Variants in SEMA6D observed in about 807,000 individuals in gnomAD.
SEMA6D encodes the protein semaphorin-6D.
A neutral mutation model predicts 106.6 loss-of-function variants in SEMA6D; 35 were observed. The ratio of observed to expected loss-of-function variants is 0.33; its 90% CI spans 0.25 to 0.44. SEMA6D has a LOEUF of 0.44. SEMA6D is among the 20% of genes least tolerant of loss of function. The pLI, the probability that SEMA6D is intolerant of heterozygous loss-of-function variation, is 1.00. For missense variants in SEMA6D, 1,185 were observed against 1,345.9 expected, an observed-to-expected ratio of 0.88 and a Z score of 1.87; for synonymous variants, 499 against 487.7, an observed-to-expected ratio of 1.02 and a Z score of -0.31.
intron 3 of SEMA6D, among the ~76,000 whole-genome samples, chr15:47,496,072 C>G (rs548293595): frequency 1.3e-5 from 2 of 152,150 alleles, no homozygotes; most frequent in African/African-American, 4.8e-5. Context: ...ACACTAGGGA[C>G]TCACCTTCAT....
intron 4 of SEMA6D, among the ~76,000 whole-genome samples, chr15:47,646,218 C>T (rs1383767412): frequency 6.6e-6 from 1 of 152,094 alleles, no homozygotes; most frequent in East Asian, 1.9e-4. Flanking sequence ...CTAGGGACTC[C>T]CAGCCACCAG....
rs903397865 is a variant in SEMA6D at position 47,652,506 on chromosome 15, G to A, written c.-55+51610G>A. ...GCTCCCCTTCTTCAAAAACCCACCCGTCTCCAATTTCCCGAGAGTGTTAAA... is the reference window on the plus strand; with the variant it reads ...GCTCCCCTTCTTCAAAAACCCACCCATCTCCAATTTCCCGAGAGTGTTAAA... On this transcript the variant is annotated intron_variant, in intron 4 of 19. Coordinates refer to the SEMA6D transcript ENST00000558014. 2.0e-5 allele frequency among the ~76,000 whole-genome samples: 3 copies of A among 151,936 alleles called. No homozygotes were observed. The South Asian group carries it at 6.2e-4, about 32-fold the overall frequency.
intron 1 of SEMA6D, among the ~76,000 whole-genome samples, chr15:47,389,396 A>G (rs2039953762): frequency 6.6e-6 from 1 of 151,996 alleles, no homozygotes; most frequent in Non-Finnish European, 1.5e-5. Context: ...TTCACATTCT[A>G]CTTTCTGCCT....
At chr15:47,683,292 C>T (rs565370776) in intron 4 of SEMA6D, among the ~76,000 whole-genome samples, 2 of 152,264 alleles carry the variant, frequency 1.3e-5, no homozygotes, top group East Asian at 1.9e-4. Context: ...CTCCCACTTC[C>T]ATTTGAGAGC....
rs148539337 is a variant in SEMA6D at position 47,432,268 on chromosome 15, A to G, written c.-159+19796A>G. Among the ~76,000 whole-genome samples the G allele has an allele frequency of 7.2e-3, 1,100 of 152,212 alleles. 52 individuals are homozygous for G. The highest frequency in any genetic ancestry group is 0.066 in the Admixed American group (1,013 of 15,254). On this transcript the variant is annotated intron_variant, in intron 2 of 19. Transcript: ENST00000558014. ...TCTTCTGTCTTTGTAACATAGAGAT[A>G]AGAAGAGAGAGTAGGAGCAAAAAGT...
At chr15:47,715,093 A>C (rs1407054630), upstream of SEMA6D, among the ~76,000 whole-genome samples, 1 of 152,198 alleles carries the variant, frequency 6.6e-6, no homozygotes, top group African/African-American at 2.4e-5. Flanking sequence ...TGACATTTAA[A>C]CAAATTGTTG....
At chr15:47,639,018 C>T (rs1035394304) in intron 4 of SEMA6D, among the ~76,000 whole-genome samples, 2 of 152,190 alleles carry the variant, frequency 1.3e-5, no homozygotes, top group African/African-American at 2.4e-5. Flanking sequence ...CTATGTCTGT[C>T]TCCTGGAGCC....
At position 47,242,675 on chromosome 15, in the gene SEMA6D, G is replaced by A. The variant is rs373726358; in HGVS notation, c.-239+58257G>A. Among the ~76,000 whole-genome samples, 8 of 152,074 alleles carry A rather than the reference G, an allele frequency of 5.3e-5. No homozygotes were observed. In the East Asian group the frequency reaches 9.7e-4, roughly 18 times the overall value. The stretch of plus-strand genomic sequence containing the variant: ...GGGGGTTGAAGGAGAAAATGTTATT[G>A]GTATCCTTACGGTCAACTATATGCA... On this transcript the variant is annotated intron_variant, in intron 1 of 19. Coordinates refer to the SEMA6D transcript ENST00000558014.
intron 3 of SEMA6D, among the ~76,000 whole-genome samples, chr15:47,560,909 A>G (rs2046061264): frequency 2.0e-5 from 3 of 152,070 alleles, no homozygotes; most frequent in Non-Finnish European, 4.4e-5. Context: ...CATGGAGCAG[A>G]TTCTTCCCAC....
rs368511791 is a variant in SEMA6D at position 47,704,684 on chromosome 15, A to T, written c.-54-55061A>T. On this transcript the variant is annotated intron_variant, in intron 4 of 19. Coordinates refer to the SEMA6D transcript ENST00000558014. ...CATGGAGCCATGATCATGCCACTGC[A>T]CTCCAGCCTGGGCAACAGAGCCAGA... is the stretch of plus-strand genomic sequence containing the variant. Among the ~76,000 whole-genome samples, 4 of 152,148 alleles carry T rather than the reference A, an allele frequency of 2.6e-5. No individual in the cohort carries two copies. In the East Asian group the frequency reaches 7.7e-4, roughly 29 times the overall value.
intron 1 of SEMA6D, among the ~76,000 whole-genome samples, chr15:47,254,885 G>GTGTGTA (rs2033718399): frequency 6.7e-6 from 1 of 150,078 alleles, no homozygotes; most frequent in Non-Finnish European, 1.5e-5. Flanking sequence ...TTGTGTGTGT[G>GTGTGTA]TGTGTGTGTG....
chr15:47,625,554 G>A lies in SEMA6D; in HGVS notation c.-55+24658G>A, dbSNP rs188526672. Among the ~76,000 whole-genome samples, 657 of 151,878 alleles carry A rather than the reference G, an allele frequency of 4.3e-3. 4 individuals are homozygous for A. The highest frequency in any genetic ancestry group is 0.015 in the African/African-American group (603 of 41,458). On this transcript the variant is annotated intron_variant, in intron 4 of 19. Coordinates refer to the SEMA6D transcript ENST00000558014. ...GAGCTGGGCAACATGGTGAAACCCCGTCTCTACAAAAATAAAAATTACAAA... is the reference window on the plus strand; with the variant it reads ...GAGCTGGGCAACATGGTGAAACCCCATCTCTACAAAAATAAAAATTACAAA...
chr15:47,459,843 T>A (rs2042450727), intron 2 of SEMA6D, among the ~76,000 whole-genome samples: 1 of 152,040 alleles, frequency 6.6e-6, no homozygotes, highest in South Asian at 2.1e-4. Flanking sequence ...GGGAAAAATG[T>A]GGAGTAGTGC....
At chr15:47,282,595 T>C (rs150403962) in intron 1 of SEMA6D, among the ~76,000 whole-genome samples, 2 of 152,246 alleles carry the variant, frequency 1.3e-5, no homozygotes, top group African/African-American at 4.8e-5. Context: ...TATGCATATA[T>C]TCAGTTTTTT....
chr15:47,434,117 G>C (rs575471769), intron 2 of SEMA6D, among the ~76,000 whole-genome samples: 1 of 152,246 alleles, frequency 6.6e-6, no homozygotes, highest in East Asian at 1.9e-4. Context: ...AGATGTTGAG[G>C]CCTCCACTGA....
At chr15:47,398,916 G>A (rs2040307731) in intron 1 of SEMA6D, among the ~76,000 whole-genome samples, 1 of 152,166 alleles carries the variant, frequency 6.6e-6, no homozygotes, top group South Asian at 2.1e-4. Flanking sequence ...TGAACTTCCA[G>A]CGGCATAACC....
chr15:47,202,032 CT>C (rs1894759920), intron 1 of SEMA6D, among the ~76,000 whole-genome samples: 1 of 151,982 alleles, frequency 6.6e-6, no homozygotes, highest in Non-Finnish European at 1.5e-5. Context: ...TGGGAAATTG[CT>C]TGGCCTCATG....
At chr15:47,227,438 T>TTTCTTTCTCTTTCTTTCTTTC (rs374904188) in intron 1 of SEMA6D, among the ~76,000 whole-genome samples, 1 of 77,666 alleles carries the variant, frequency 1.3e-5, no homozygotes, top group African/African-American at 4.9e-5. Flanking sequence ...TCTTTCTTTC[T>TTTCTTTCTCTTTCTTTCTTTC]TTTCTTTCTT....
intron 1 of SEMA6D, among the ~76,000 whole-genome samples, chr15:47,408,776 G>A (rs984071504): frequency 1.3e-5 from 2 of 152,204 alleles, no homozygotes; most frequent in African/African-American, 4.8e-5. Flanking sequence ...AGATAATAGA[G>A]ATTCTCCCAG....
Sources: gnomAD v4.1 joint callset for allele counts (sites outside exome capture counted in the v4.1 genomes callset) on GRCh38, gnomAD v4.1.1 for gene constraint, MANE v1.5 for transcripts, NCBI Gene and HGNC (gene_info 2026-07-23, HGNC 2026-07-21) for gene names.